FBXW11: variants seen among roughly 807,000 people sequenced by gnomAD.
The protein encoded by FBXW11 is F-box/WD repeat-containing protein 11.
A neutral mutation model predicts 77.6 loss-of-function variants in FBXW11; 19 were observed. The observed-to-expected ratio is 0.24, with a 90% CI of 0.17 to 0.36. FBXW11 has a LOEUF of 0.36. FBXW11 is among the 10% of genes least tolerant of loss of function. FBXW11 has a pLI of 1.00. For synonymous variants in FBXW11, 235 were observed against 249.4 expected, an observed-to-expected ratio of 0.94 and a Z score of 0.54; for missense variants, 334 against 704.2, an observed-to-expected ratio of 0.47 and a Z score of 5.95.
At chr5:171,891,634 T>C (rs760052776) in intron 6 of FBXW11, 30 bp from the exon 7 acceptor site, 1 of 1,600,864 alleles carries the variant, frequency 6.2e-7, no homozygotes, top group Admixed American at 1.8e-5. Context: ...AGAGATGAGT[T>C]TTTATGAATC....
chr5:171,936,991 T>C (rs1762515220), intron 2 of FBXW11, among the ~76,000 whole-genome samples: 1 of 152,260 alleles, frequency 6.6e-6, no homozygotes, highest in South Asian at 2.1e-4. Context: ...CCATTTGTTC[T>C]TTAAAGGTCT....
intron 1 of FBXW11, chr5:171,996,845 C>T (rs991379740): frequency 4.6e-5 from 55 of 1,199,242 alleles, no homozygotes; most frequent in African/African-American, 9.6e-5. Context: ...TTTCTTTCAG[C>T]GAGTTGAGTT....
At chr5:171,975,200 C>T (rs1267623660) in intron 1 of FBXW11, among the ~76,000 whole-genome samples, 1 of 152,184 alleles carries the variant, frequency 6.6e-6, no homozygotes, top group African/African-American at 2.4e-5. Flanking sequence ...TAAACAATAG[C>T]TGTGAAATTA....
intron 9 of FBXW11, among the ~76,000 whole-genome samples, chr5:171,875,611 C>T (rs997904074): frequency 2.0e-5 from 3 of 151,936 alleles, no homozygotes; most frequent in Non-Finnish European, 4.4e-5. Context: ...AACTATATCT[C>T]GGTAAAGATG....
chr5:171,902,217 T>A (rs966606000), intron 4 of FBXW11, among the ~76,000 whole-genome samples: 1 of 152,210 alleles, frequency 6.6e-6, no homozygotes, highest in African/African-American at 2.4e-5. Context: ...CCTACTAGCC[T>A]GGTAACTTTA....
intron 1 of FBXW11, among the ~76,000 whole-genome samples, chr5:171,993,485 T>C (rs1765863020): frequency 6.6e-6 from 1 of 151,986 alleles, no homozygotes; most frequent in African/African-American, 2.4e-5. Context: ...TGGTGATGCG[T>C]GCCTGTAGTC....
At chr5:171,950,847 A>C (rs1763273008) in intron 2 of FBXW11, among the ~76,000 whole-genome samples, 1 of 152,198 alleles carries the variant, frequency 6.6e-6, no homozygotes, top group South Asian at 2.1e-4. Flanking sequence ...AGATCATGCC[A>C]CTACACTCTA....
At chr5:171,996,768 A>G (rs979486895) in intron 1 of FBXW11, 1 of 641,596 alleles carries the variant, frequency 1.6e-6, no homozygotes, top group African/African-American at 1.9e-5. Context: ...CACTACGCAC[A>G]AACGTCTAAT....
intron 2 of FBXW11, among the ~76,000 whole-genome samples, chr5:171,936,126 A>AG (rs2113124163): frequency 6.6e-6 from 1 of 151,250 alleles, no homozygotes; most frequent in East Asian, 1.9e-4. Flanking sequence ...AAAAAAAAAA[A>AG]AAAAAAGAAT....
intron 1 of FBXW11, among the ~76,000 whole-genome samples, chr5:171,973,699 T>C (rs967533617): frequency 3.9e-5 from 6 of 152,250 alleles, no homozygotes; most frequent in Non-Finnish European, 7.3e-5. Context: ...TACTGGTTCA[T>C]TGATTGTAAC....
intron 1 of FBXW11, among the ~76,000 whole-genome samples, chr5:171,986,623 A>C (rs1765457701): frequency 6.6e-6 from 1 of 152,050 alleles, no homozygotes; most frequent in South Asian, 2.1e-4. Context: ...GCTACTTAGG[A>C]GGCTGAGATA....
intron 3 of FBXW11, among the ~76,000 whole-genome samples, chr5:171,913,818 T>TACACACACACACAC (rs1161644281): frequency 1.8e-4 from 12 of 65,304 alleles, no homozygotes; most frequent in East Asian, 8.3e-4. Flanking sequence ...CACACACACA[T>TACACACACACACAC]ACACACACAC....
intron 1 of FBXW11, among the ~76,000 whole-genome samples, chr5:172,002,362 T>C (rs574335699): frequency 6.6e-6 from 1 of 152,066 alleles, no homozygotes; most frequent in African/African-American, 2.4e-5. Flanking sequence ...ATTGATATAT[T>C]TGAGCCAATG....
chr5:171,964,246 C>T (rs534212644), intron 1 of FBXW11, among the ~76,000 whole-genome samples: 3 of 152,216 alleles, frequency 2.0e-5, no homozygotes, highest in Non-Finnish European at 2.9e-5. Context: ...CACAAAACTT[C>T]CACCAGGCCC....
intron 2 of FBXW11, among the ~76,000 whole-genome samples, chr5:171,922,749 C>A (rs780382174): frequency 2.0e-5 from 3 of 152,150 alleles, no homozygotes; most frequent in Non-Finnish European, 2.9e-5. Context: ...ACAGTAAGTT[C>A]TCTTCTAATT....
intron 1 of FBXW11, chr5:172,003,312 T>G (rs2113626082): frequency 6.6e-6 from 1 of 152,314 alleles, no homozygotes; most frequent in African/African-American, 2.4e-5. Context: ...GATGAGTGCC[T>G]GAAAATCAAG....
intron 2 of FBXW11, among the ~76,000 whole-genome samples, chr5:171,915,728 C>A (rs762917488): frequency 2.6e-5 from 4 of 151,574 alleles, no homozygotes; most frequent in Non-Finnish European, 4.4e-5. Flanking sequence ...CTGCCCTACA[C>A]AATGCTTAGT....
chr5:171,928,111 A>C (rs839268), intron 2 of FBXW11, among the ~76,000 whole-genome samples: 131,192 of 152,100 alleles, frequency 0.86, 57,829 homozygotes, highest in East Asian at 1. Context: ...GAAAAGAAAA[A>C]TTGGATATAG....
intron 3 of FBXW11, among the ~76,000 whole-genome samples, chr5:171,911,278 T>A (rs1346842899): frequency 6.6e-6 from 1 of 152,226 alleles, no homozygotes; most frequent in African/African-American, 2.4e-5. Context: ...TGAGCTAGCA[T>A]CAGAATAACA....
Sources: gnomAD v4.1 joint callset for allele counts (sites outside exome capture counted in the v4.1 genomes callset) on GRCh38, gnomAD v4.1.1 for gene constraint, MANE v1.5 for transcripts, NCBI Gene and HGNC (gene_info 2026-07-23, HGNC 2026-07-21) for gene names.